The following ZMYM1 variants were observed in gnomAD, a reference collection of about 807,000 sequenced individuals.
ZMYM1 encodes zinc finger MYM-type protein 1.
In ZMYM1, 39 loss-of-function variants were observed where a neutral mutation model predicts 60.0. That is an observed-to-expected ratio of 0.65 (90% CI 0.50 to 0.85). The LOEUF is 0.85. ZMYM1 is among the 40% of genes least tolerant of loss of function. The pLI, the probability that ZMYM1 is intolerant of heterozygous loss-of-function variation, is 0.00. For synonymous variants in ZMYM1, 413 were observed against 454.0 expected (o/e 0.91, Z 1.15); for missense variants, 1,171 against 1,309.5 (o/e 0.89, Z 1.63).
intron 4 of ZMYM1, among the ~76,000 whole-genome samples, chr1:35,101,062 C>CA (rs1478278740): frequency 6.6e-6 from 1 of 151,378 alleles, no homozygotes; most frequent in Non-Finnish European, 1.5e-5. Context: ...CTTGCCCTCC[C>CA]AAAGTGCTGG....
At chr1:35,101,945 T>C (rs530104398) in intron 4 of ZMYM1, among the ~76,000 whole-genome samples, 14 of 152,328 alleles carry the variant, frequency 9.2e-5, no homozygotes, top group South Asian at 4.1e-4. Context: ...GCTTTAGTTA[T>C]GTAGATTATG....
chr1:35,077,266 A>G (rs1642183665), upstream of ZMYM1, among the ~76,000 whole-genome samples: 1 of 152,170 alleles, frequency 6.6e-6, no homozygotes, highest in Non-Finnish European at 1.5e-5. Flanking sequence ...TTGCAAGATT[A>G]TGACTGAGAC....
intron 1 of ZMYM1, among the ~76,000 whole-genome samples, chr1:35,089,894 C>T (rs1170897028): frequency 2.7e-5 from 4 of 147,954 alleles, no homozygotes; most frequent in South Asian, 2.2e-4. Context: ...TACAGGTGCC[C>T]GATATAAGGC....
rs192744038 is a variant in ZMYM1 at position 35,062,008 on chromosome 1, T to A, written c.-301+2083T>A. Among the ~76,000 whole-genome samples, 167 of 151,746 alleles carry A rather than the reference T, an allele frequency of 1.1e-3. 1 individual carries two copies. Among genetic ancestry groups the A allele is most frequent in the African/African-American group, 3.9e-3 (160 of 41,442 alleles). On this transcript the variant is annotated intron_variant, in intron 1 of 10. Coordinates refer to the ZMYM1 transcript ENST00000417119. ...CCATGCCTGGCTAATTTTTTTGTAT[T>A]TTTAATAGAGATGGGGTTTCACCAT...
chr1:35,069,456 A>G (rs1453164642), intron 1 of ZMYM1, among the ~76,000 whole-genome samples: 1 of 152,010 alleles, frequency 6.6e-6, no homozygotes, highest in Admixed American at 6.6e-5. Context: ...TTTGTTGTTG[A>G]GTTAACTTCC....
rs1319788978 is a variant in ZMYM1 at position 35,097,725 on chromosome 1, A to C, written c.419+159A>C. On this transcript the variant is annotated intron_variant, in intron 4 of 9. Coordinates refer to ENST00000359858, the MANE Select transcript of ZMYM1 (RefSeq NM_024772.5). ...AGTGGCACGATCTCGGCTCACTGCA[A>C]CTTCCACCTCCTGGGTTCAAGCGAT... 6 of 789,314 alleles carry C rather than the reference A, an allele frequency of 7.6e-6. No homozygotes were observed. The South Asian group carries it at 1.1e-4, about 14-fold the overall frequency. The allele number at this position is 789,314 out of a possible 1,614,324, so 48.9% of individuals were successfully genotyped here.
rs1272078113 is a variant in ZMYM1, at chr1:35,113,224, A to C, written c.1394A>C (p.Glu465Ala). ...AAAAAATCTTGTTGTGCAGATTTTGAGTGTTTGGAAAACAGTAAAAAAGAT... is the reference window on the plus strand; with the variant it reads ...AAAAAATCTTGTTGTGCAGATTTTGCGTGTTTGGAAAACAGTAAAAAAGAT... ...SIKKSCCADFECLENSKKDVA... is the reference protein window; with the variant it reads ...SIKKSCCADFACLENSKKDVA... The change falls in exon 10 of 10, where the codon GAG becomes GCG. Residue 465 changes from glutamate to alanine, a missense_variant. By Grantham distance (107) the Glu-to-Ala change is moderately radical. Coordinates refer to ENST00000359858, the MANE Select transcript of ZMYM1 (RefSeq NM_024772.5). The C allele has an allele frequency of 1.9e-6, 3 of 1,613,342 alleles. No homozygotes were observed. Among genetic ancestry groups the C allele is most frequent in the Admixed American group, 1.7e-5 (1 of 59,998 alleles).
intron 1 of ZMYM1, among the ~76,000 whole-genome samples, chr1:35,070,586 T>A (rs1440740164): frequency 6.6e-6 from 1 of 152,196 alleles, no homozygotes; most frequent in East Asian, 1.9e-4. Flanking sequence ...CCAATTTAGA[T>A]GTTTCTTATT....
chr1:35,079,125 T>G (rs1046594931), upstream of ZMYM1: 16 of 152,214 alleles, frequency 1.1e-4, no homozygotes, highest in African/African-American at 3.9e-4. Flanking sequence ...TAATAAGTAG[T>G]AAAGCCATCT....
chr1:35,072,920 A>G (rs889975860), intron 1 of ZMYM1, among the ~76,000 whole-genome samples: 23 of 152,200 alleles, frequency 1.5e-4, no homozygotes, highest in South Asian at 2.1e-4. Flanking sequence ...TGTCTCTACT[A>G]AAAATACAAA....
upstream of ZMYM1, among the ~76,000 whole-genome samples, chr1:35,076,842 G>C (rs1272735401): frequency 6.7e-6 from 1 of 150,350 alleles, no homozygotes; most frequent in African/African-American, 2.5e-5. Context: ...TGCAGCAGGA[G>C]AATCGCTTGA....
At chr1:35,065,655 T>C (rs1553136000) in intron 1 of ZMYM1, among the ~76,000 whole-genome samples, 1 of 148,354 alleles carries the variant, frequency 6.7e-6, no homozygotes, top group Non-Finnish European at 1.5e-5. Flanking sequence ...CTTAAGAAGT[T>C]AGAAAAAAAA....
intron 1 of ZMYM1, among the ~76,000 whole-genome samples, chr1:35,091,729 T>C (rs1643014890): frequency 7.1e-6 from 1 of 140,124 alleles, no homozygotes; most frequent in South Asian, 2.2e-4. Context: ...ACACCTTCTC[T>C]ACAAAAAAAA....
chr1:35,093,409 G>T (rs61746538), intron 1 of ZMYM1: 1 of 152,112 alleles, frequency 6.6e-6, no homozygotes, highest in Admixed American at 6.6e-5. Context: ...AGCGATTCTC[G>T]TGCCTCAGCC....
Position 35,083,153 on chromosome 1 carries a change from T to C in ZMYM1, c.-75+3711T>C, listed in dbSNP as rs547024116. ...CATTGGCTTCTGGGGTTTTATTGTT[T>C]CTTTTCTTTTTTTTTTTTAAGACAG... On this transcript the variant is annotated intron_variant, in intron 1 of 9. Transcript: ENST00000359858. Among the ~76,000 whole-genome samples the C allele has an allele frequency of 1.3e-3, 199 of 151,996 alleles. 2 individuals carry two copies. Among genetic ancestry groups the C allele is most frequent in the African/African-American group, 4.7e-3 (196 of 41,400 alleles).
chr1:35,088,320 A>G (rs1642770235), intron 1 of ZMYM1, among the ~76,000 whole-genome samples: 1 of 150,896 alleles, frequency 6.6e-6, no homozygotes, highest in Admixed American at 6.6e-5. Context: ...CAGGATGCTC[A>G]GGCAGGAGAA....
intron 1 of ZMYM1, among the ~76,000 whole-genome samples, chr1:35,084,034 C>G (rs747027106): frequency 6.6e-6 from 1 of 152,140 alleles, no homozygotes; most frequent in African/African-American, 2.4e-5. Context: ...AATAGGAATC[C>G]CACATGGCAC....
At position 35,114,406 on chromosome 1, in the gene ZMYM1, T is replaced by G; in HGVS notation, c.2576T>G (p.Val859Gly). 1 of 1,613,224 alleles carries G rather than the reference T, an allele frequency of 6.2e-7. No individual in the cohort carries two copies. Among genetic ancestry groups the G allele is most frequent in the Non-Finnish European group, 8.5e-7 (1 of 1,179,456 alleles). ...LLTLVSKFEF[V>G]FCLKFLYRVL... ...ACATTGGTTTCCAAATTTGAATTTG[T>G]CTTTTGTTTGAAATTCCTGTATCGA... Residue 859 changes from valine (V) to glycine (G), a missense_variant, in exon 10 of 10, where the codon GTC becomes GGC. Transcript: ENST00000359858.
intron 4 of ZMYM1, among the ~76,000 whole-genome samples, chr1:35,102,286 G>A (rs887221118): frequency 6.6e-6 from 1 of 152,092 alleles, no homozygotes; most frequent in Non-Finnish European, 1.5e-5. Context: ...GTACCATGTG[G>A]ATCAGTGAAC....
Sources: gnomAD v4.1 joint callset for allele counts (sites outside exome capture counted in the v4.1 genomes callset) on GRCh38, gnomAD v4.1.1 for gene constraint, MANE v1.5 for transcripts, NCBI Gene and HGNC (gene_info 2026-07-23, HGNC 2026-07-21) for gene names.